SPOCK3: variants seen among roughly 807,000 people sequenced by gnomAD.
SPOCK3 encodes testican-3.
SPOCK3 carries 30 observed loss-of-function variants against 56.6 expected under a neutral mutation model. That is an observed-to-expected ratio of 0.53 (90% confidence interval 0.40 to 0.72). The LOEUF is 0.72. Among genes scored for constraint, SPOCK3 ranks in the 30% least tolerant of loss-of-function variants. The pLI is 0.00. For missense variants in SPOCK3, 527 were observed against 530.0 expected (o/e 0.99, Z 0.06); for synonymous variants, 196 against 183.3 (o/e 1.07, Z -0.56).
rs1399066101 is a variant in SPOCK3 at position 167,196,572 on chromosome 4, A to C, written c.189+37413T>G. Among the ~76,000 whole-genome samples the C allele has an allele frequency of 8.6e-5, 13 of 151,928 alleles. No individual in the cohort carries two copies. The East Asian group carries it at 2.5e-3, about 29-fold the overall frequency. On this transcript the variant is annotated intron_variant, in intron 2 of 10. Coordinates refer to ENST00000357545, the MANE Select transcript of SPOCK3 (RefSeq NM_001040159.2). ...GAATTTATTGATTCCGTAAGTTTAC[A>C]TCATCTGTTTACAAGATGAATCATC...
At chr4:167,188,980 G>T (rs575531099) in intron 2 of SPOCK3, among the ~76,000 whole-genome samples, 1 of 146,180 alleles carries the variant, frequency 6.8e-6, no homozygotes, top group Admixed American at 7.0e-5. Flanking sequence ...AAAACTCCAG[G>T]CTTCACTGTT....
chr4:166,861,640 G>C (rs1423353376), intron 6 of SPOCK3, among the ~76,000 whole-genome samples: 1 of 152,046 alleles, frequency 6.6e-6, no homozygotes, highest in African/African-American at 2.4e-5. Context: ...TCTCCAGCCA[G>C]GTGCTCCAAT....
chr4:166,948,890 G>T (rs1260514471), intron 4 of SPOCK3, among the ~76,000 whole-genome samples: 1 of 152,002 alleles, frequency 6.6e-6, no homozygotes, highest in African/African-American at 2.4e-5. Flanking sequence ...ATGTTGGCCT[G>T]CCTTGCTAGA....
chr4:166,797,939 A>G (rs1428439904), intron 6 of SPOCK3, among the ~76,000 whole-genome samples: 1 of 152,152 alleles, frequency 6.6e-6, no homozygotes, highest in Non-Finnish European at 1.5e-5. Context: ...GCTGCATAAC[A>G]ATGTTTCGGG....
rs375185106 is a variant in SPOCK3, at chr4:166,735,116, A to G, written c.1133-26T>C. 9.4e-6 allele frequency: 14 copies of G among 1,491,026 alleles called. No individual in the cohort carries two copies. The African/African-American group carries it at 1.7e-4, about 18-fold the overall frequency. 92.4% of individuals were successfully genotyped at this position (1,491,026 alleles called of 1,614,324 possible). ...CTTAAAACAAGTGAAAGTAAACATA[A>G]CCTTTATTTGACTGAATACTGTCAA... On this transcript the variant is annotated intron_variant, in intron 10 of 10. Transcript: ENST00000357545.
intron 4 of SPOCK3, among the ~76,000 whole-genome samples, chr4:166,928,024 G>T (rs1739312557): frequency 2.0e-5 from 3 of 152,102 alleles, no homozygotes; most frequent in African/African-American, 4.8e-5. Context: ...TGAAACCATG[G>T]GATAGCACTA....
chr4:166,914,855 T>C (rs191899520), intron 4 of SPOCK3, among the ~76,000 whole-genome samples: 1 of 152,280 alleles, frequency 6.6e-6, no homozygotes, highest in Non-Finnish European at 1.5e-5. Flanking sequence ...ACTTGTAAAA[T>C]AGATTTTGAA....
At chr4:166,827,263 A>G (rs965703678) in intron 6 of SPOCK3, among the ~76,000 whole-genome samples, 1 of 152,078 alleles carries the variant, frequency 6.6e-6, no homozygotes, top group African/African-American at 2.4e-5. Context: ...ATCTTTGACA[A>G]GGGATTTAAT....
intron 2 of SPOCK3, among the ~76,000 whole-genome samples, chr4:167,145,298 G>A (rs1201032923): frequency 6.6e-6 from 1 of 152,078 alleles, no homozygotes; most frequent in African/African-American, 2.4e-5. Context: ...TTCTGCTTTG[G>A]ACATATGAAC....
intron 4 of SPOCK3, among the ~76,000 whole-genome samples, chr4:166,977,977 T>C (rs953256329): frequency 6.6e-6 from 1 of 152,172 alleles, no homozygotes; most frequent in Admixed American, 6.5e-5. Context: ...TCAAAGTTAT[T>C]GCTACAAATC....
rs1028717824 is a variant in SPOCK3 at position 166,734,761 on chromosome 4, A to T, written c.*160T>A. The T allele has an allele frequency of 2.8e-5, 17 of 605,320 alleles. No individual in the cohort carries two copies. Among genetic ancestry groups the T allele is most frequent in the Non-Finnish European group, 4.6e-5 (17 of 368,810 alleles). The allele number at this position is 605,320 out of a possible 1,614,324, so 37.5% of individuals were successfully genotyped here. ...CAAAGCAAATGATTCTTATTTAAAC[A>T]TAAAGTTCTATAACTTTAGCTGCAA... On this transcript the variant is annotated 3_prime_UTR_variant, in exon 11 of 11. Coordinates refer to ENST00000357545, the MANE Select transcript of SPOCK3 (RefSeq NM_001040159.2).
intron 7 of SPOCK3, among the ~76,000 whole-genome samples, chr4:166,773,815 T>G (rs1739226255): frequency 6.6e-6 from 1 of 152,190 alleles, no homozygotes; most frequent in South Asian, 2.1e-4. Flanking sequence ...CACATACACA[T>G]TTTATATTAA....
In SPOCK3 at chr4:166,748,720, T is replaced by A. The variant is rs1735972389; in HGVS notation, c.931+5788A>T. ...AGGCAACCTACAGAATGGGAGAAAA[T>A]TTTTGCAATCTATTCATCTGACAAA... On this transcript the variant is annotated intron_variant, in intron 8 of 10. Coordinates refer to ENST00000357545, the MANE Select transcript of SPOCK3 (RefSeq NM_001040159.2). 1.5e-5 allele frequency among the ~76,000 whole-genome samples: 2 copies of A among 136,288 alleles called. 1 individual carries two copies. The highest frequency in any genetic ancestry group is 4.4e-4 in the South Asian group (2 of 4,506). 89.4% of individuals were successfully genotyped at this position (136,288 alleles called of 152,430 possible).
At position 166,908,065 on chromosome 4, in the gene SPOCK3, G is replaced by C. The variant is rs1426950261; in HGVS notation, c.474+4555C>G. On this transcript the variant is annotated intron_variant, in intron 5 of 10. Coordinates refer to ENST00000357545, the MANE Select transcript of SPOCK3 (RefSeq NM_001040159.2). ...AACATACCAAACTTCTCATGATTAG[G>C]TGTCAGAAATTATCTACCTTTCAAA... 2.0e-5 allele frequency among the ~76,000 whole-genome samples: 3 copies of C among 152,008 alleles called. No homozygotes were observed. The East Asian group carries it at 5.8e-4, about 29-fold the overall frequency.
chr4:166,909,535 A>G (rs1463746078), intron 5 of SPOCK3, among the ~76,000 whole-genome samples: 8 of 152,096 alleles, frequency 5.3e-5, no homozygotes, highest in Admixed American at 5.3e-4. Flanking sequence ...AAAAAAAACC[A>G]TTTGTATCAA....
intron 3 of SPOCK3, among the ~76,000 whole-genome samples, chr4:167,012,084 T>C (rs1750133746): frequency 6.6e-6 from 1 of 151,934 alleles, no homozygotes; most frequent in African/African-American, 2.4e-5. Context: ...ATGAGGCAAC[T>C]TCTATTCAAA....
At chr4:166,778,356 C>T (rs1422887535) in intron 7 of SPOCK3, among the ~76,000 whole-genome samples, 3 of 152,006 alleles carry the variant, frequency 2.0e-5, no homozygotes, top group South Asian at 2.1e-4. Flanking sequence ...AGCATAGCTG[C>T]GAGGAACATA....
chr4:166,900,760 T>A (rs1278161764), intron 5 of SPOCK3, among the ~76,000 whole-genome samples: 1 of 152,148 alleles, frequency 6.6e-6, no homozygotes, highest in Non-Finnish European at 1.5e-5. Context: ...CTCTTATGGA[T>A]AAAATGTTCT....
At chr4:167,007,608 T>C (rs1749590130) in intron 3 of SPOCK3, among the ~76,000 whole-genome samples, 1 of 152,176 alleles carries the variant, frequency 6.6e-6, no homozygotes, top group Non-Finnish European at 1.5e-5. Flanking sequence ...TCAGTCACAT[T>C]GTTCATAAAA....
Sources: gnomAD v4.1 joint callset for allele counts (sites outside exome capture counted in the v4.1 genomes callset) on GRCh38, gnomAD v4.1.1 for gene constraint, MANE v1.5 for transcripts, NCBI Gene and HGNC (gene_info 2026-07-23, HGNC 2026-07-21) for gene names.